IGFBP5: variants seen among roughly 807,000 people sequenced by gnomAD.
IGFBP5 encodes insulin-like growth factor-binding protein 5.
In IGFBP5, 12 loss-of-function variants were observed where a neutral mutation model predicts 28.0. That is an observed-to-expected ratio of 0.43 (90% CI 0.27 to 0.69). The LOEUF is 0.69. IGFBP5 is among the 30% of genes least tolerant of loss of function. IGFBP5 has a pLI of 0.20. For missense variants in IGFBP5, 344 were observed against 381.6 expected (o/e 0.90, Z 0.82); for synonymous variants, 152 against 150.2 (o/e 1.01, Z -0.09).
chr2:216,689,979 G>A (rs1689075414), intron 1 of IGFBP5, among the ~76,000 whole-genome samples: 3 of 60,578 alleles, frequency 5.0e-5, no homozygotes, highest in Admixed American at 3.1e-4. Context: ...TTTTTAAAAA[G>A]AGAGAGAGAG....
intron 1 of IGFBP5, among the ~76,000 whole-genome samples, chr2:216,686,107 C>G (rs1574581081): frequency 6.6e-6 from 1 of 152,108 alleles, no homozygotes; most frequent in East Asian, 1.9e-4. Context: ...GAACTACTGA[C>G]TGGATGATGA....
rs1311981297 is a variant in IGFBP5 at position 216,694,425 on chromosome 2, C to T, written c.337+14G>A. On this transcript the variant is annotated intron_variant, in intron 1 of 3. Transcript: ENST00000233813. The surrounding 1 kb of genome is among the most constrained non-coding windows in gnomAD (Gnocchi z 5.2). ...GTGCGCCGCGTAACTGACTGGCACA[C>T]TGAGCGCGCTCACCGATCTTGACTT... 4.0e-6 allele frequency: 6 copies of T among 1,510,088 alleles called. No individual in the cohort carries two copies. Among genetic ancestry groups the T allele is most frequent in the Admixed American group, 2.1e-5 (1 of 47,462 alleles). 93.5% of individuals were successfully genotyped at this position (1,510,088 alleles called of 1,614,324 possible).
chr2:216,691,128 G>A (rs144971755), intron 1 of IGFBP5, among the ~76,000 whole-genome samples: 2 of 152,300 alleles, frequency 1.3e-5, no homozygotes, highest in Non-Finnish European at 2.9e-5. Flanking sequence ...ACTTCAACAT[G>A]GCATTTTAGA....
intron 1 of IGFBP5, among the ~76,000 whole-genome samples, chr2:216,680,910 G>A (rs1688971088): frequency 6.6e-6 from 1 of 152,144 alleles, no homozygotes; most frequent in African/African-American, 2.4e-5. Flanking sequence ...TGCTCTATCA[G>A]ACCCTGCTGT....
chr2:216,690,739 G>C (rs933450716), intron 1 of IGFBP5, among the ~76,000 whole-genome samples: 2 of 150,936 alleles, frequency 1.3e-5, no homozygotes, highest in African/African-American at 4.9e-5. Flanking sequence ...GGGTCGGGGG[G>C]TGGATGGAGA....
intron 1 of IGFBP5, among the ~76,000 whole-genome samples, chr2:216,680,992 T>A (rs375921481): frequency 2.6e-4 from 39 of 152,246 alleles, no homozygotes; most frequent in African/African-American, 8.4e-4. Context: ...AAAAGGGTCA[T>A]GTTCTGGGGT....
intron 3 of IGFBP5, among the ~76,000 whole-genome samples, chr2:216,677,450 A>G (rs1688916642): frequency 6.6e-6 from 1 of 152,098 alleles, no homozygotes; most frequent in South Asian, 2.1e-4. Context: ...CCAATCACTC[A>G]CTCCTCATTC....
In IGFBP5 at chr2:216,679,041, C is replaced by T; in HGVS notation, c.376G>A (p.Glu126Lys). ...SREHEEPTTS[E>K]MAEETYSPKI... ...GGGGAGTAGGTCTCCTCGGCCATCTCAGAGGTGGTGGGCTCCTCGTGCTCA... is the reference window on the plus strand; with the variant it reads ...GGGGAGTAGGTCTCCTCGGCCATCTTAGAGGTGGTGGGCTCCTCGTGCTCA... The change falls in exon 2 of 4, where the codon GAG becomes AAG. Residue 126 changes from glutamate to lysine, a missense_variant. Around this residue, in one of 3 missense-constraint regions of IGFBP5, gnomAD observed 304 missense variants for 329.2 expected, o/e 0.92. Transcript: ENST00000233813. The surrounding 1 kb of genome is among the most constrained non-coding windows in gnomAD (Gnocchi z 4.6). 6.2e-7 allele frequency: 1 copy of T among 1,614,166 alleles called. No individual in the cohort carries two copies. Among genetic ancestry groups the T allele is most frequent in the South Asian group, 1.1e-5 (1 of 91,074 alleles).
chr2:216,692,481 C>T lies in IGFBP5; in HGVS notation c.337+1958G>A, dbSNP rs1689114161. 6.6e-6 allele frequency among the ~76,000 whole-genome samples: 1 copy of T among 152,086 alleles called. No homozygotes were observed. Among genetic ancestry groups the T allele is most frequent in the Admixed American group, 6.5e-5 (1 of 15,274 alleles). On this transcript the variant is annotated intron_variant, in intron 1 of 3. Transcript: ENST00000233813. The surrounding 1 kb of genome is among the most constrained non-coding windows in gnomAD (Gnocchi z 4.2). The stretch of plus-strand genomic sequence containing the variant: ...CACCCTTCACACTAGCCACATCACA[C>T]TACACGCTTGGTAAATAATAAGTGG...
At position 216,679,553 on chromosome 2, in the gene IGFBP5, G is replaced by A. The variant is rs530422573; in HGVS notation, c.338-474C>T. ...TGGAGGCAGATGACACAGTCAGGGC[G>A]TGGACGAGAAGGGCAAAGGCTGTCC... is the stretch of plus-strand genomic sequence containing the variant. On this transcript the variant is annotated intron_variant, in intron 1 of 3. Transcript: ENST00000233813. The surrounding 1 kb of genome is among the most constrained non-coding windows in gnomAD (Gnocchi z 4.6). Among the ~76,000 whole-genome samples, 7 of 152,260 alleles carry A rather than the reference G, an allele frequency of 4.6e-5. No homozygotes were observed. The highest frequency in any genetic ancestry group is 7.2e-5 in the African/African-American group (3 of 41,546).
intron 1 of IGFBP5, among the ~76,000 whole-genome samples, chr2:216,682,599 C>T (rs972676187): frequency 1.3e-5 from 2 of 152,168 alleles, no homozygotes; most frequent in Non-Finnish European, 2.9e-5. Flanking sequence ...ACTCAACAGT[C>T]TGCTCTGGAA....
chr2:216,694,023 A>G lies in IGFBP5; in HGVS notation c.337+416T>C, dbSNP rs1054889205. On this transcript the variant is annotated intron_variant, in intron 1 of 3. Transcript: ENST00000233813. The surrounding 1 kb of genome is among the most constrained non-coding windows in gnomAD (Gnocchi z 5.2). Reference sequence around the variant, plus strand: ...AATTAAAATAATATTTTAACAAAAGAGATTTTTTTTCCAAGTTCAGAAAAA... The same window carrying G: ...AATTAAAATAATATTTTAACAAAAGGGATTTTTTTTCCAAGTTCAGAAAAA... Among the ~76,000 whole-genome samples the G allele has an allele frequency of 2.2e-5, 1 of 45,852 alleles. No homozygotes were observed. The highest frequency in any genetic ancestry group is 3.1e-5 in the African/African-American group (1 of 32,112). 30.1% of individuals were successfully genotyped at this position (45,852 alleles called of 152,430 possible). A position where few individuals can be genotyped will look rare whatever the true frequency, so the allele number is the denominator to read the frequency against.
chr2:216,676,783 A>C lies in IGFBP5; in HGVS notation c.787T>G (p.Cys263Gly). ...ACGTTGCTGCTGTCGAAGGTGTGGC[A>C]CTGAAAGTCCCCGTCAACGTACTCC... ...GMEYVDGDFQ[C>G]HTFDSSNVE The change falls in exon 4 of 4, where the codon TGC becomes GGC. Residue 263 changes from cysteine (C) to glycine (G), a missense_variant. This residue lies in a region of IGFBP5 where 36 missense variants were observed against 34.1 expected (regional missense o/e 1.06). Transcript: ENST00000233813. 6.2e-7 allele frequency: 1 copy of C among 1,613,904 alleles called. No homozygotes were observed. Among genetic ancestry groups the C allele is most frequent in the Non-Finnish European group, 8.5e-7 (1 of 1,179,888 alleles).
intron 1 of IGFBP5, among the ~76,000 whole-genome samples, chr2:216,693,518 G>A (rs879666409): frequency 6.6e-6 from 1 of 151,926 alleles, no homozygotes; most frequent in Non-Finnish European, 1.5e-5. Flanking sequence ...ATCTGCATAG[G>A]CGAGGAAGTT....
rs1688860186 is a variant in IGFBP5 at position 216,673,438 on chromosome 2, T to G, written c.*3313A>C. ...TCCCCATGTGCCCTGCTTTGCCAGGTGGGTCAGGGCAGGCTGGAGGAAGGA... is the reference window on the plus strand; with the variant it reads ...TCCCCATGTGCCCTGCTTTGCCAGGGGGGTCAGGGCAGGCTGGAGGAAGGA... On this transcript the variant is annotated 3_prime_UTR_variant, in exon 4 of 4. Coordinates refer to ENST00000233813, the MANE Select transcript of IGFBP5 (RefSeq NM_000599.4). The surrounding 1 kb of genome is among the most constrained non-coding windows in gnomAD (Gnocchi z 4.3). 1 of 152,226 alleles carries G rather than the reference T, an allele frequency of 6.6e-6. No homozygotes were observed. Among genetic ancestry groups the G allele is most frequent in the Admixed American group, 6.5e-5 (1 of 15,270 alleles). The allele number at this position is 152,226 out of a possible 1,614,324, so 9.4% of individuals were successfully genotyped here.
rs1341601169 is a variant in IGFBP5 at position 216,679,137 on chromosome 2, G to C, written c.338-58C>G. ...GTGGGCCAAGGTGCACACGGCCAGAGCCCAGGGCTGGGCAGTTTGGGGTGA... is the reference window on the plus strand; with the variant it reads ...GTGGGCCAAGGTGCACACGGCCAGACCCCAGGGCTGGGCAGTTTGGGGTGA... On this transcript the variant is annotated intron_variant, in intron 1 of 3. Coordinates refer to ENST00000233813, the MANE Select transcript of IGFBP5 (RefSeq NM_000599.4). The surrounding 1 kb of genome is among the most constrained non-coding windows in gnomAD (Gnocchi z 4.6). 2 of 1,451,582 alleles carry C rather than the reference G, an allele frequency of 1.4e-6. No individual in the cohort carries two copies. The highest frequency in any genetic ancestry group is 2.3e-5 in the South Asian group (2 of 87,332). 89.9% of individuals were successfully genotyped at this position (1,451,582 alleles called of 1,614,324 possible). A position where few individuals can be genotyped will look rare whatever the true frequency, so the allele number is the denominator to read the frequency against.
Position 216,694,534 on chromosome 2 carries a change from A to G in IGFBP5, c.242T>C (p.Leu81Pro). The change falls in exon 1 of 4, where the codon CTC becomes CCC. Residue 81 changes from leucine (L) to proline (P), a missense_variant. By Grantham distance (98) the Leu-to-Pro change is moderately conservative. Transcript: ENST00000233813. This position sits in a 1 kb window ranked among gnomAD's most constrained non-coding sequence, Gnocchi z 5.2. ...CGGCTTCTCCTCGTCCTGCCGGGGGAGGCAGCGCAGCCCCTGGGCGCAGCG... is the reference window on the plus strand; with the variant it reads ...CGGCTTCTCCTCGTCCTGCCGGGGGGGGCAGCGCAGCCCCTGGGCGCAGCG... ...TERCAQGLRC[L>P]PRQDEEKPLH... 6.3e-7 allele frequency: 1 copy of G among 1,575,980 alleles called. No homozygotes were observed. Among genetic ancestry groups the G allele is most frequent in the East Asian group, 2.3e-5 (1 of 43,280 alleles).
chr2:216,684,913 C>T (rs1367467731), intron 1 of IGFBP5, among the ~76,000 whole-genome samples: 1 of 152,130 alleles, frequency 6.6e-6, no homozygotes, highest in Admixed American at 6.5e-5. Flanking sequence ...GACAGATGAG[C>T]GTCATGGGTG....
Position 216,672,905 on chromosome 2 carries a change from A to C in IGFBP5, c.*3846T>G, listed in dbSNP as rs1232746515. ...CAGTGCAATGTAATTCTTGCACTTT[A>C]GTGGTTTTAAAAACACAGACAGTAC... On this transcript the variant is annotated 3_prime_UTR_variant, in exon 4 of 4. Coordinates refer to ENST00000233813, the MANE Select transcript of IGFBP5 (RefSeq NM_000599.4). 6.5e-6 allele frequency: 1 copy of C among 152,704 alleles called. No homozygotes were observed. The highest frequency in any genetic ancestry group is 6.5e-5 in the Admixed American group (1 of 15,288). The allele number at this position is 152,704 out of a possible 1,614,324, so 9.5% of individuals were successfully genotyped here.
Sources: gnomAD v4.1 joint callset for allele counts (sites outside exome capture counted in the v4.1 genomes callset) on GRCh38, gnomAD v4.1.1 for gene constraint, gnomAD v4.1.1 regional missense constraint, Gnocchi (gnomAD v3.1) non-coding constraint, MANE v1.5 for transcripts, NCBI Gene and HGNC (gene_info 2026-07-23, HGNC 2026-07-21) for gene names.